The following CFAP43 variants were observed in gnomAD, a reference collection of about 807,000 sequenced individuals.
CFAP43 encodes the protein cilia- and flagella-associated protein 43.
In CFAP43, 155 loss-of-function variants were observed where a neutral mutation model predicts 218.9. That is an observed-to-expected ratio of 0.71 (90% CI 0.62 to 0.81). The LOEUF is 0.81. Ranked by LOEUF, CFAP43 falls within the 30% of genes least tolerant of loss-of-function variation. CFAP43 has a pLI of 0.00. For synonymous variants in CFAP43, 645 were observed against 681.3 expected, an observed-to-expected ratio of 0.95 and a Z score of 0.83; for missense variants, 1,778 against 1,954.3, an observed-to-expected ratio of 0.91 and a Z score of 1.70.
intron 19 of CFAP43, among the ~76,000 whole-genome samples, chr10:104,173,433 G>A (rs17751100): frequency 0.13 from 19,114 of 152,190 alleles, 1,500 homozygotes; most frequent in Non-Finnish European, 0.17. Context: ...CCAGATACAG[G>A]AACAAGGGTT....
chr10:104,206,150 C>A, intron 6 of CFAP43, 120 bp from the exon 7 acceptor site: 1 of 755,220 alleles, frequency 1.3e-6, no homozygotes, highest in Non-Finnish European at 2.1e-6. Context: ...AATTCTCTAT[C>A]ATCAGATCTA....
At chr10:104,134,386 A>G in intron 34 of CFAP43, among the ~76,000 whole-genome samples, 1 of 152,194 alleles carries the variant, frequency 6.6e-6, no homozygotes, top group East Asian at 1.9e-4. Context: ...TGACAGAGCA[A>G]GACCCTGTCT....
intron 34 of CFAP43, among the ~76,000 whole-genome samples, chr10:104,139,055 A>G (rs544282595): frequency 1.3e-5 from 2 of 152,340 alleles, no homozygotes; most frequent in Non-Finnish European, 2.9e-5. Context: ...CTATCTATCT[A>G]TCTATCTACA....
intron 7 of CFAP43, 109 bp from the exon 8 acceptor site, chr10:104,203,912 A>C: frequency 2.0e-6 from 2 of 980,958 alleles, no homozygotes; most frequent in Non-Finnish European, 2.8e-6. Flanking sequence ...CTTATTTGGA[A>C]TCATCATCTA....
intron 17 of CFAP43, among the ~76,000 whole-genome samples, chr10:104,181,178 C>G (rs966854033): frequency 6.6e-6 from 1 of 152,182 alleles, no homozygotes; most frequent in Non-Finnish European, 1.5e-5. Context: ...TCTGCCCCAT[C>G]TCCATGAATG....
chr10:104,177,401 G>A (rs1462906177), intron 19 of CFAP43, among the ~76,000 whole-genome samples: 4 of 152,110 alleles, frequency 2.6e-5, no homozygotes, highest in African/African-American at 9.7e-5. Flanking sequence ...GAAGGATGGC[G>A]GTCATTGCCA....
At position 104,230,719 on chromosome 10, in the gene CFAP43, T is replaced by C. The variant is rs765493888; in HGVS notation, c.190A>G (p.Ser64Gly). Residue 64 changes from serine (S) to glycine (G), a missense_variant, in exon 2 of 38, where the codon AGT becomes GGT. Physicochemically the swap from Ser to Gly is moderately conservative, Grantham distance 56 (BLOSUM62 0). Around this residue, in one of 3 missense-constraint regions of CFAP43, gnomAD observed 1,553 missense variants for 1,685.2 expected, o/e 0.92. Transcript: ENST00000357060. ...GCCATGACGCCCACAATTCCATTAC[T>C]ACACTGCAGTACAGTCTTTTTCTTG... Reference protein sequence around the residue: ...ETKKKTVLQCSNGIVGVMATN... With the variant: ...ETKKKTVLQCGNGIVGVMATN... The C allele has an allele frequency of 1.9e-6, 3 of 1,613,974 alleles. No individual in the cohort carries two copies. The highest frequency in any genetic ancestry group is 1.7e-6 in the Non-Finnish European group (2 of 1,180,026).
intron 12 of CFAP43, among the ~76,000 whole-genome samples, chr10:104,188,969 C>A (rs1435489113): frequency 6.6e-6 from 1 of 152,132 alleles, no homozygotes; most frequent in South Asian, 2.1e-4. Flanking sequence ...GCTGCAGGTG[C>A]CCACTTTCTC....
chr10:104,196,749 T>C, intron 10 of CFAP43, 104 bp downstream of exon 10: 1 of 948,874 alleles, frequency 1.1e-6, no homozygotes, highest in African/African-American at 1.7e-5. Flanking sequence ...GCAGTGAGGC[T>C]TCGGTAACAA....
chr10:104,165,682 CTGTT>C (rs141651954), intron 23 of CFAP43, among the ~76,000 whole-genome samples: 5,956 of 152,198 alleles, frequency 0.039, 389 homozygotes, highest in African/African-American at 0.14. Context: ...TATTCTAAGA[CTGTT>C]TGGTGGAAAG....
At chr10:104,224,362 T>C (rs764722641) in intron 3 of CFAP43, among the ~76,000 whole-genome samples, 2 of 152,128 alleles carry the variant, frequency 1.3e-5, no homozygotes, top group Non-Finnish European at 2.9e-5. Context: ...ATTTATTATC[T>C]TGATTACGGT....
Position 104,164,193 on chromosome 10 carries a change from T to C in CFAP43, c.3147A>G (p.Arg1049=), listed in dbSNP as rs138850136. ...ARVKERNVRI[R]EIILDLELEE... ...CCAATTCCAGATCTAAAATAATTTC[T>C]CGAATTCGAACATTTCTTTCCTTCA... is the stretch of plus-strand genomic sequence containing the variant. The change falls in exon 24 of 38, where the codon CGA becomes CGG. Residue 1049 remains arginine (R), a synonymous_variant. Coordinates refer to ENST00000357060, the MANE Select transcript of CFAP43 (RefSeq NM_025145.7). 3.2e-5 allele frequency: 52 copies of C among 1,614,058 alleles called. No homozygotes were observed. Among genetic ancestry groups the C allele is most frequent in the Non-Finnish European group, 4.4e-5 (52 of 1,180,034 alleles).
chr10:104,205,857 G>A lies in CFAP43; in HGVS notation c.963+106C>T, dbSNP rs930305536. 2.4e-5 allele frequency: 22 copies of A among 898,482 alleles called. No individual in the cohort carries two copies. The Admixed American group carries it at 3.5e-4, about 14-fold the overall frequency. 55.7% of individuals were successfully genotyped at this position (898,482 alleles called of 1,614,324 possible). ...AGAGGAAACCATTTTAATTAATAAT[G>A]TGACAGATCTGACATCCTAAAATAT... On this transcript the variant is annotated intron_variant, in intron 7 of 37. Transcript: ENST00000357060.
At chr10:104,141,283 G>A (rs1282859884) in intron 33 of CFAP43, among the ~76,000 whole-genome samples, 1 of 152,128 alleles carries the variant, frequency 6.6e-6, no homozygotes, top group African/African-American at 2.4e-5. Flanking sequence ...GGTAATAAAA[G>A]TAAAGTAAAA....
Position 104,226,951 on chromosome 10 carries a change from G to A in CFAP43, c.320-1394C>T, listed in dbSNP as rs552401333. Among the ~76,000 whole-genome samples, 270 of 152,136 alleles carry A rather than the reference G, an allele frequency of 1.8e-3. 1 individual carries two copies. Among genetic ancestry groups the A allele is most frequent in the Non-Finnish European group, 3.2e-3 (220 of 68,008 alleles). On this transcript the variant is annotated intron_variant, in intron 2 of 37. Coordinates refer to ENST00000357060, the MANE Select transcript of CFAP43 (RefSeq NM_025145.7). The stretch of plus-strand genomic sequence containing the variant: ...GCGAATCGCTTGAACCTGGGAGGCG[G>A]AAGTTGCAGTGAGCCAAGACTGCGC...
At chr10:104,215,131 T>A (rs1365766769) in intron 3 of CFAP43, among the ~76,000 whole-genome samples, 4 of 138,920 alleles carry the variant, frequency 2.9e-5, no homozygotes, top group Non-Finnish European at 1.6e-5. Context: ...CAAGACTCCA[T>A]CTCAAAAATA....
rs759954879 is a variant in CFAP43, at chr10:104,164,255, C to T, written c.3085G>A (p.Ala1029Thr). ...VKTVFNNEFD[A>T]AYKQKEFEIA... ...TCAAACTCTTTTTGTTTATATGCAG[C>T]GTCAAACTCATTATTGAAAACAGTT... Residue 1029 changes from alanine to threonine, a missense_variant, in exon 24 of 38, where the codon GCT becomes ACT. Transcript: ENST00000357060. 2.8e-5 allele frequency: 45 copies of T among 1,612,312 alleles called. No homozygotes were observed. The highest frequency in any genetic ancestry group is 1.6e-4 in the Middle Eastern group (1 of 6,070).
chr10:104,182,498 G>A lies in CFAP43; in HGVS notation c.2157C>T (p.His719=). 6.3e-7 allele frequency: 1 copy of A among 1,595,928 alleles called. No homozygotes were observed. Among genetic ancestry groups the A allele is most frequent in the East Asian group, 2.3e-5 (1 of 44,376 alleles). Residue 719 remains histidine (H), a synonymous_variant, in exon 17 of 38, where the codon CAC becomes CAT. Transcript: ENST00000357060. ...VYLKWKRFGG[H]LASEILDYYQ... ...AATAGTCCAGAATTTCACTGGCTAG[G>A]TGTCCTCCAAATCGCCTATATTAAT... is the stretch of plus-strand genomic sequence containing the variant.
At chr10:104,137,107 C>G (rs1207742042) in intron 34 of CFAP43, among the ~76,000 whole-genome samples, 1 of 152,184 alleles carries the variant, frequency 6.6e-6, no homozygotes, top group Non-Finnish European at 1.5e-5. Flanking sequence ...TACGATCCAG[C>G]AATTCCACTT....
Sources: allele counts gnomAD v4.1 joint callset (sites outside exome capture counted in the v4.1 genomes callset), GRCh38; gene constraint gnomAD v4.1.1; regional missense constraint gnomAD v4.1.1; transcripts MANE v1.5; gene names NCBI Gene and HGNC (gene_info 2026-07-23, HGNC 2026-07-21).